MACROD1: variants seen among roughly 807,000 people sequenced by gnomAD.
MACROD1 encodes mono-ADP ribosylhydrolase 1.
MACROD1 carries 31 observed loss-of-function variants against 41.4 expected under a neutral mutation model. The observed-to-expected ratio is 0.75, with a 90% CI of 0.56 to 1.01. The LOEUF (loss-of-function observed/expected upper bound fraction) is 1.01, where lower values mean the gene tolerates loss of function less well. Ranked by LOEUF, MACROD1 falls within the 50% of genes least tolerant of loss-of-function variation. MACROD1 has a pLI of 0.00. For synonymous variants in MACROD1, 252 were observed against 203.4 expected (o/e 1.24, Z -2.03); for missense variants, 473 against 460.0 (o/e 1.03, Z -0.26).
At chr11:64,055,396 G>A (rs1015114752) in intron 3 of MACROD1, among the ~76,000 whole-genome samples, 3 of 152,246 alleles carry the variant, frequency 2.0e-5, no homozygotes, top group African/African-American at 4.8e-5. Flanking sequence ...CACAAGAAAC[G>A]ATGGGGGATG....
At chr11:64,105,185 C>T (rs183251718) in intron 3 of MACROD1, among the ~76,000 whole-genome samples, 5 of 152,328 alleles carry the variant, frequency 3.3e-5, no homozygotes, top group Admixed American at 2.0e-4. Flanking sequence ...AGCCCGACAG[C>T]GGGGCCGCGA....
At chr11:64,009,104 G>A (rs561405061) in intron 4 of MACROD1, 24 of 152,260 alleles carry the variant, frequency 1.6e-4, no homozygotes, top group African/African-American at 5.5e-4. Context: ...AAATCTCCCC[G>A]AGAAAGCCGG....
intron 3 of MACROD1, among the ~76,000 whole-genome samples, chr11:64,102,990 G>T (rs1400018672): frequency 6.6e-6 from 1 of 151,928 alleles, no homozygotes; most frequent in Non-Finnish European, 1.5e-5. Flanking sequence ...GGAATCGGTT[G>T]AACCTGGGAG....
At chr11:64,089,767 G>A (rs1415662999) in intron 3 of MACROD1, among the ~76,000 whole-genome samples, 2 of 152,142 alleles carry the variant, frequency 1.3e-5, no homozygotes, top group Non-Finnish European at 2.9e-5. Flanking sequence ...AGTCCCGTGG[G>A]GGCAGGGCTG....
intron 2 of MACROD1, 94 bp downstream of exon 2, chr11:64,152,198 A>G: frequency 2.1e-6 from 2 of 962,828 alleles, no homozygotes; most frequent in Non-Finnish European, 3.4e-6. Flanking sequence ...AGCACTCGAT[A>G]CATGCCACTG....
In MACROD1 at chr11:64,069,276, C is replaced by T. The variant is rs113585206; in HGVS notation, c.518-53995G>A. ...CCTGACACCGGAGACAGCTCTGAAC[C>T]GCAGGGGAAGGTGCTGCCAGGCCTG... On this transcript the variant is annotated intron_variant, in intron 3 of 10. Transcript: ENST00000255681. 6.2e-3 allele frequency among the ~76,000 whole-genome samples: 951 copies of T among 152,320 alleles called. 4 individuals carry two copies. The highest frequency in any genetic ancestry group is 0.014 in the Middle Eastern group (4 of 294).
chr11:64,037,670 G>A (rs1228252199), intron 3 of MACROD1, among the ~76,000 whole-genome samples: 1 of 152,098 alleles, frequency 6.6e-6, no homozygotes, highest in African/African-American at 2.4e-5. Flanking sequence ...TGCGCACCCA[G>A]TCCCATGTTC....
chr11:64,141,662 G>A (rs1032117352), intron 3 of MACROD1, among the ~76,000 whole-genome samples: 5 of 152,250 alleles, frequency 3.3e-5, no homozygotes, highest in East Asian at 1.9e-4. Flanking sequence ...CGGCCTCCTC[G>A]GCTCAGTGCT....
At chr11:64,052,770 C>T (rs1281269981) in intron 3 of MACROD1, among the ~76,000 whole-genome samples, 1 of 152,218 alleles carries the variant, frequency 6.6e-6, no homozygotes, top group Middle Eastern at 3.2e-3. Flanking sequence ...ACCTGATTCT[C>T]CTGACTCCAG....
At chr11:64,107,865 C>A (rs1353172968) in intron 3 of MACROD1, among the ~76,000 whole-genome samples, 1 of 152,226 alleles carries the variant, frequency 6.6e-6, no homozygotes, top group Non-Finnish European at 1.5e-5. Context: ...GCCCCACTCA[C>A]ACGACTCAAG....
At chr11:64,089,961 T>C (rs145530660) in intron 3 of MACROD1, among the ~76,000 whole-genome samples, 7 of 152,220 alleles carry the variant, frequency 4.6e-5, no homozygotes, top group Non-Finnish European at 1.0e-4. Flanking sequence ...AGTGAGAGGA[T>C]TGGATAAGAT....
intron 2 of MACROD1, 67 bp downstream of exon 2, chr11:64,152,225 C>A (rs1033519064): frequency 7.2e-7 from 1 of 1,385,568 alleles, no homozygotes; most frequent in African/African-American, 1.4e-5. Context: ...CTCTTCTTGT[C>A]TGCACAATTC....
At chr11:64,153,402 A>G (rs1258717179) in intron 1 of MACROD1, among the ~76,000 whole-genome samples, 9 of 152,166 alleles carry the variant, frequency 5.9e-5, no homozygotes, top group Non-Finnish European at 1.0e-4. Flanking sequence ...CGGGAGAGCA[A>G]TTAGAGGAGG....
Position 64,096,508 on chromosome 11 carries a change from C to A in MACROD1, c.517+54731G>T, listed in dbSNP as rs572237711. Among the ~76,000 whole-genome samples, 1 of 152,012 alleles carries A rather than the reference C, an allele frequency of 6.6e-6. No individual in the cohort carries two copies. The highest frequency in any genetic ancestry group is 1.5e-5 in the Non-Finnish European group (1 of 67,984). The stretch of plus-strand genomic sequence containing the variant: ...TCGGCTCACTGCAACCTCCGCCTTC[C>A]GGGTTCAAGCAATTCTCTTGCCTCA... On this transcript the variant is annotated intron_variant, in intron 3 of 10. Coordinates refer to ENST00000255681, the MANE Select transcript of MACROD1 (RefSeq NM_014067.4). This position sits in a 1 kb window ranked among gnomAD's most constrained non-coding sequence, Gnocchi z 4.6.
At chr11:64,086,780 G>C (rs975984090) in intron 3 of MACROD1, 1 of 152,276 alleles carries the variant, frequency 6.6e-6, no homozygotes, top group Non-Finnish European at 1.5e-5. Context: ...AGCAGCTGTG[G>C]AGCTGGACGT....
intron 3 of MACROD1, among the ~76,000 whole-genome samples, chr11:64,149,206 A>C (rs2134698084): frequency 6.6e-6 from 1 of 152,264 alleles, no homozygotes; most frequent in East Asian, 1.9e-4. Flanking sequence ...CACCAGTGCG[A>C]GGTGCTGAGC....
chr11:64,075,636 TGAG>T (rs1461063717), intron 3 of MACROD1, among the ~76,000 whole-genome samples: 1 of 152,228 alleles, frequency 6.6e-6, no homozygotes, highest in Non-Finnish European at 1.5e-5. Flanking sequence ...CAGCTCTGGC[TGAG>T]AAGAAGGGGG....
At chr11:64,093,863 A>C (rs538092333) in intron 3 of MACROD1, among the ~76,000 whole-genome samples, 171 of 152,288 alleles carry the variant, frequency 1.1e-3, no homozygotes, top group African/African-American at 3.9e-3. Context: ...TTCCTCCATT[A>C]ATACAGCCTG....
rs565101564 is a variant in MACROD1, at chr11:64,157,092, G to GT, written c.299-4700dup. ...AGGAACATGCCCCACGCATTTCTGT[G>GT]TTTTTTTTTTATTTTTTTGAGACAG... is the stretch of plus-strand genomic sequence containing the variant. On this transcript the variant is annotated intron_variant, in intron 1 of 10. Transcript: ENST00000255681. Among the ~76,000 whole-genome samples the GT allele has an allele frequency of 2.5e-3, 375 of 150,010 alleles. 1 individual carries two copies. Among genetic ancestry groups the GT allele is most frequent in the African/African-American group, 7.1e-3 (290 of 40,992 alleles).
Sources: gnomAD v4.1 joint callset for allele counts (sites outside exome capture counted in the v4.1 genomes callset) on GRCh38, gnomAD v4.1.1 for gene constraint, Gnocchi (gnomAD v3.1) non-coding constraint, MANE v1.5 for transcripts, NCBI Gene and HGNC (gene_info 2026-07-23, HGNC 2026-07-21) for gene names.